Variants in PPP1R9A observed in about 807,000 individuals in gnomAD.
The protein encoded by PPP1R9A is protein phosphatase 1 regulatory subunit 9A.
PPP1R9A carries 59 observed loss-of-function variants against 141.9 expected under a neutral mutation model. The ratio of observed to expected loss-of-function variants is 0.42; its 90% CI spans 0.34 to 0.52. PPP1R9A has a LOEUF of 0.52. Ranked by LOEUF, PPP1R9A falls within the 20% of genes least tolerant of loss-of-function variation. The pLI is 0.10. For synonymous variants in PPP1R9A, 500 were observed against 569.7 expected (o/e 0.88, Z 1.74); for missense variants, 1,444 against 1,611.9 (o/e 0.90, Z 1.78).
At chr7:95,236,452 A>G (rs944157113) in intron 8 of PPP1R9A, among the ~76,000 whole-genome samples, 1 of 151,724 alleles carries the variant, frequency 6.6e-6, no homozygotes, top group Non-Finnish European at 1.5e-5. Flanking sequence ...TTTCAGGGGG[A>G]CGATTTTGGT....
At chr7:95,045,800 A>G (rs993018009) in intron 2 of PPP1R9A, among the ~76,000 whole-genome samples, 7 of 152,136 alleles carry the variant, frequency 4.6e-5, no homozygotes, top group African/African-American at 1.7e-4. Context: ...TGACATTTCT[A>G]GTAGGCGAGG....
rs73423010 is a variant in PPP1R9A, at chr7:94,915,149, A to G, written c.1395+3641A>G. Among the ~76,000 whole-genome samples, 1,377 of 152,348 alleles carry G rather than the reference A, an allele frequency of 9.0e-3. 15 individuals carry two copies. The highest frequency in any genetic ancestry group is 0.031 in the African/African-American group (1,282 of 41,574). ...GCTATATTTTGTGTTTTCTCAAATC[A>G]TATGGAGCTTTACAGGATTAGAATT... On this transcript the variant is annotated intron_variant, in intron 2 of 19. Coordinates refer to ENST00000433360, the MANE Select transcript of PPP1R9A (RefSeq NM_001166160.2).
At chr7:95,037,414 A>C (rs2151869773) in intron 2 of PPP1R9A, among the ~76,000 whole-genome samples, 1 of 152,306 alleles carries the variant, frequency 6.6e-6, no homozygotes, top group African/African-American at 2.4e-5. Context: ...TTTAAAATGA[A>C]AATGTCACCT....
intron 2 of PPP1R9A, among the ~76,000 whole-genome samples, chr7:95,066,411 T>G (rs1453066710): frequency 6.6e-6 from 1 of 151,968 alleles, no homozygotes. Context: ...TCTTAAAGAA[T>G]TAAGTACGTA....
chr7:95,001,934 C>T (rs78618445), intron 2 of PPP1R9A, among the ~76,000 whole-genome samples: 2,046 of 152,300 alleles, frequency 0.013, 50 homozygotes, highest in African/African-American at 0.047. Context: ...AAAAGTTAAT[C>T]ACTGACAAAA....
chr7:95,211,212 C>T (rs1792057561), intron 7 of PPP1R9A, among the ~76,000 whole-genome samples: 1 of 151,610 alleles, frequency 6.6e-6, no homozygotes, highest in Non-Finnish European at 1.5e-5. Context: ...CAGACAATAC[C>T]TTTGGCCTGA....
At chr7:94,912,509 T>C (rs917771175) in intron 2 of PPP1R9A, among the ~76,000 whole-genome samples, 1 of 152,188 alleles carries the variant, frequency 6.6e-6, no homozygotes, top group African/African-American at 2.4e-5. Context: ...TTACACAGTG[T>C]GTATATATGA....
At chr7:95,075,151 A>G (rs911284323) in intron 2 of PPP1R9A, among the ~76,000 whole-genome samples, 18 of 152,258 alleles carry the variant, frequency 1.2e-4, no homozygotes, top group African/African-American at 4.1e-4. Flanking sequence ...CTTCCTTTAT[A>G]GTCATATAGA....
At chr7:95,042,036 C>T (rs1017309189) in intron 2 of PPP1R9A, among the ~76,000 whole-genome samples, 7 of 152,068 alleles carry the variant, frequency 4.6e-5, no homozygotes, top group African/African-American at 1.7e-4. Flanking sequence ...GGAGAGGGTC[C>T]TACCATCCAT....
At chr7:94,972,349 G>C (rs1262684999) in intron 2 of PPP1R9A, among the ~76,000 whole-genome samples, 1 of 151,932 alleles carries the variant, frequency 6.6e-6, no homozygotes, top group East Asian at 1.9e-4. Context: ...TGACCAGAGA[G>C]AAAAGCAACA....
chr7:94,910,791 T>G lies in PPP1R9A; in HGVS notation c.678T>G (p.Asn226Lys), dbSNP rs1358639055. The part of the protein sequence containing the change: ...SAIISEKAEN[N>K]EYSVTGHYPL... ...TCATTTCTGAGAAGGCTGAAAACAA[T>G]GAATACTCAGTGACTGGGCATTATC... The change falls in exon 2 of 20, where the codon AAT becomes AAG. Residue 226 changes from asparagine (N) to lysine (K), a missense_variant. By Grantham distance (94) the Asn-to-Lys change is moderately conservative (BLOSUM62 0). Coordinates refer to ENST00000433360, the MANE Select transcript of PPP1R9A (RefSeq NM_001166160.2). The surrounding 1 kb of genome is among the most constrained non-coding windows in gnomAD (Gnocchi z 4.5). 4 of 1,613,896 alleles carry G rather than the reference T, an allele frequency of 2.5e-6. No homozygotes were observed. In the African/African-American group the frequency reaches 5.3e-5, roughly 22 times the overall value.
At chr7:95,082,762 A>ATTTTTTTTTT in intron 2 of PPP1R9A, among the ~76,000 whole-genome samples, 1 of 95,864 alleles carries the variant, frequency 1.0e-5, no homozygotes, top group Non-Finnish European at 2.2e-5. Flanking sequence ...GGTGGAAGGG[A>ATTTTTTTTTT]TTTCTTTTTT....
intron 4 of PPP1R9A, among the ~76,000 whole-genome samples, chr7:95,135,644 T>C (rs1825515931): frequency 6.6e-6 from 1 of 152,144 alleles, no homozygotes; most frequent in Admixed American, 6.5e-5. Flanking sequence ...GCTCTGTACA[T>C]ATTTGATTTT....
rs186185875 is a variant in PPP1R9A at position 94,990,010 on chromosome 7, A to C, written c.1395+78502A>C. ...GATTAGTTAAAATATGAAAAATTTT[A>C]GTTGAAGAGCTTTTAATAGGGCTTA... On this transcript the variant is annotated intron_variant, in intron 2 of 19. Coordinates refer to ENST00000433360, the MANE Select transcript of PPP1R9A (RefSeq NM_001166160.2). Among the ~76,000 whole-genome samples the C allele has an allele frequency of 5.3e-5, 8 of 152,214 alleles. No homozygotes were observed. The East Asian group carries it at 1.5e-3, about 29-fold the overall frequency.
chr7:95,014,371 A>G (rs1429214584), intron 2 of PPP1R9A, among the ~76,000 whole-genome samples: 1 of 152,040 alleles, frequency 6.6e-6, no homozygotes, highest in Non-Finnish European at 1.5e-5. Context: ...TAAAATATTC[A>G]TAAGCTTGGG....
chr7:95,222,319 G>A (rs1364419510), intron 7 of PPP1R9A, among the ~76,000 whole-genome samples: 1 of 151,902 alleles, frequency 6.6e-6, no homozygotes, highest in Non-Finnish European at 1.5e-5. Context: ...AAGGAGCATG[G>A]GCTTTAAAAT....
chr7:95,235,769 A>G (rs1168480347), intron 8 of PPP1R9A, among the ~76,000 whole-genome samples: 1 of 152,222 alleles, frequency 6.6e-6, no homozygotes, highest in Non-Finnish European at 1.5e-5. Context: ...CAATAAGTGG[A>G]TAAAGAAAAT....
At chr7:94,975,709 A>G (rs1799373893) in intron 2 of PPP1R9A, among the ~76,000 whole-genome samples, 1 of 152,044 alleles carries the variant, frequency 6.6e-6, no homozygotes, top group African/African-American at 2.4e-5. Flanking sequence ...ATTTCCATTT[A>G]TTGAGTTGAT....
intron 8 of PPP1R9A, among the ~76,000 whole-genome samples, chr7:95,236,144 C>G (rs557218858): frequency 6.6e-6 from 1 of 151,986 alleles, no homozygotes; most frequent in Non-Finnish European, 1.5e-5. Context: ...ATTATAACAA[C>G]AACAAAAAAA....
Sources: allele counts gnomAD v4.1 joint callset (sites outside exome capture counted in the v4.1 genomes callset), GRCh38; gene constraint gnomAD v4.1.1; non-coding constraint Gnocchi (gnomAD v3.1); transcripts MANE v1.5; gene names NCBI Gene and HGNC (gene_info 2026-07-23, HGNC 2026-07-21).